The following PAM variants were observed in gnomAD, a reference collection of about 807,000 sequenced individuals.
The protein encoded by PAM is peptidylglycine alpha-amidating monooxygenase.
A neutral mutation model predicts 122.1 loss-of-function variants in PAM; 72 were observed. The ratio of observed to expected loss-of-function variants is 0.59; its 90% CI spans 0.49 to 0.72. PAM has a LOEUF of 0.72. PAM is among the 30% of genes least tolerant of loss of function. The pLI is 0.00. For synonymous variants in PAM, 389 were observed against 404.4 expected (o/e 0.96, Z 0.46); for missense variants, 1,106 against 1,183.7 (o/e 0.93, Z 0.96).
At chr5:102,798,103 T>G (rs1371494397) in intron 1 of PAM, among the ~76,000 whole-genome samples, 3 of 152,182 alleles carry the variant, frequency 2.0e-5, no homozygotes, top group African/African-American at 7.2e-5. Flanking sequence ...AAGTTAAGTA[T>G]TGGCACAAGT....
intron 25 of PAM, 36 bp downstream of exon 25, chr5:103,028,274 G>A: frequency 7.0e-7 from 1 of 1,433,380 alleles, no homozygotes; most frequent in Admixed American, 1.8e-5. Flanking sequence ...TTCATGTTTG[G>A]TTCAAAGTCA....
intron 4 of PAM, among the ~76,000 whole-genome samples, chr5:102,910,384 C>T (rs1457443830): frequency 6.6e-6 from 1 of 151,918 alleles, no homozygotes; most frequent in Non-Finnish European, 1.5e-5. Context: ...GAGAAACCCT[C>T]CAACCTCTGT....
chr5:102,944,248 C>T (rs959440065), intron 7 of PAM, among the ~76,000 whole-genome samples: 8 of 151,996 alleles, frequency 5.3e-5, no homozygotes, highest in Admixed American at 1.3e-4. Flanking sequence ...AACCCTTACA[C>T]TAAAATTATT....
chr5:102,955,066 A>G lies in PAM; in HGVS notation c.905+4246A>G, dbSNP rs896321414. 9.9e-5 allele frequency among the ~76,000 whole-genome samples: 15 copies of G among 152,196 alleles called. No homozygotes were observed. In the East Asian group the frequency reaches 2.9e-3, roughly 29 times the overall value. On this transcript the variant is annotated intron_variant, in intron 12 of 25. Transcript: ENST00000438793. ...GTAAAATGACTTCTTTGAAGTTTTT[A>G]TATTTCTTTCTAAAATTACTATTAC...
rs144689546 is a variant in PAM at position 102,813,048 on chromosome 5, A to G, written c.-373-52775A>G. Among the ~76,000 whole-genome samples, 275 of 152,024 alleles carry G rather than the reference A, an allele frequency of 1.8e-3. 1 individual carries two copies. Among genetic ancestry groups the G allele is most frequent in the African/African-American group, 6.3e-3 (261 of 41,522 alleles). On this transcript the variant is annotated intron_variant, in intron 1 of 25. Coordinates refer to ENST00000438793, the MANE Select transcript of PAM (RefSeq NM_001177306.2). ...TTTATCCTACTACAGTAAATTAGAG[A>G]AGAGATGAAATCTATTTTGCTTATT...
intron 12 of PAM, among the ~76,000 whole-genome samples, chr5:102,955,867 GT>G (rs1760559634): frequency 6.6e-6 from 1 of 151,806 alleles, no homozygotes; most frequent in Non-Finnish European, 1.5e-5. Context: ...AAAGCAATTT[GT>G]TTTAAAATGA....
At chr5:103,026,892 T>TA (rs1241468773) in intron 24 of PAM, among the ~76,000 whole-genome samples, 6 of 152,262 alleles carry the variant, frequency 3.9e-5, no homozygotes, top group Non-Finnish European at 7.4e-5. Context: ...AAGCAGTGGC[T>TA]AGGGAATAAG....
intron 1 of PAM, among the ~76,000 whole-genome samples, chr5:102,773,180 A>G (rs548661186): frequency 6.6e-6 from 1 of 152,272 alleles, no homozygotes; most frequent in South Asian, 2.1e-4. Context: ...GTTTTTACAT[A>G]CAAATTCCTA....
At chr5:102,817,117 C>G (rs1770119401) in intron 1 of PAM, among the ~76,000 whole-genome samples, 1 of 152,034 alleles carries the variant, frequency 6.6e-6, no homozygotes, top group Non-Finnish European at 1.5e-5. Context: ...TTTTCTTCCT[C>G]TTTTTCCCTC....
At chr5:103,023,416 C>T (rs1296169121) in intron 23 of PAM, among the ~76,000 whole-genome samples, 1 of 151,688 alleles carries the variant, frequency 6.6e-6, no homozygotes, top group East Asian at 1.9e-4. Flanking sequence ...GTGTTTTTTA[C>T]TCCCATGATC....
At chr5:102,840,718 C>T (rs1184499092) in intron 1 of PAM, among the ~76,000 whole-genome samples, 1 of 152,160 alleles carries the variant, frequency 6.6e-6, no homozygotes, top group Non-Finnish European at 1.5e-5. Context: ...AGCCCCCATT[C>T]TCATGGTCCA....
chr5:102,935,539 C>A (rs1008873569), intron 7 of PAM, among the ~76,000 whole-genome samples: 1 of 152,052 alleles, frequency 6.6e-6, no homozygotes. Flanking sequence ...TACTGCAGGG[C>A]AGATATCTAG....
chr5:102,784,326 A>G lies in PAM; in HGVS notation c.-374+28978A>G, dbSNP rs1759911570. On this transcript the variant is annotated intron_variant, in intron 1 of 25. Transcript: ENST00000438793. The stretch of plus-strand genomic sequence containing the variant: ...CTCCTGCCTATGTGCTATTGGGTCA[A>G]GCTGTTTTGGTGGGCTAGAATGCGC... Among the ~76,000 whole-genome samples the G allele has an allele frequency of 2.0e-5, 3 of 152,122 alleles. No individual in the cohort carries two copies. The South Asian group carries it at 6.2e-4, about 31-fold the overall frequency.
chr5:102,950,346 G>A (rs567434249), intron 11 of PAM, among the ~76,000 whole-genome samples: 2 of 151,782 alleles, frequency 1.3e-5, no homozygotes, highest in South Asian at 2.1e-4. Flanking sequence ...ATTAATTAAA[G>A]GTGAACTGTT....
chr5:102,828,806 A>G (rs1774447909), intron 1 of PAM, among the ~76,000 whole-genome samples: 2 of 152,204 alleles, frequency 1.3e-5, no homozygotes. Flanking sequence ...TATTTTACAA[A>G]ACAAATGAAA....
At chr5:102,769,549 CTA>C (rs765204078) in intron 1 of PAM, among the ~76,000 whole-genome samples, 6 of 152,036 alleles carry the variant, frequency 3.9e-5, no homozygotes, top group Non-Finnish European at 8.8e-5. Context: ...AGATACGGGT[CTA>C]GTTTCATTCT....
Position 103,029,327 on chromosome 5 carries a change from A to G in PAM, c.*262A>G, listed in dbSNP as rs1785886625. ...TCTTTTTCCATCATAATTCTAATCT[A>G]ACAATGGAAGATTTGCCCATTTACA... On this transcript the variant is annotated 3_prime_UTR_variant, in exon 26 of 26. Coordinates refer to ENST00000438793, the MANE Select transcript of PAM (RefSeq NM_001177306.2). 1 of 315,124 alleles carries G rather than the reference A, an allele frequency of 3.2e-6. No homozygotes were observed. Among genetic ancestry groups the G allele is most frequent in the East Asian group, 5.1e-5 (1 of 19,724 alleles). 19.5% of individuals were successfully genotyped at this position (315,124 alleles called of 1,614,324 possible).
At chr5:102,899,962 G>T (rs1326411347) in intron 3 of PAM, among the ~76,000 whole-genome samples, 5 of 151,506 alleles carry the variant, frequency 3.3e-5, no homozygotes, top group Non-Finnish European at 7.4e-5. Context: ...TTAGAACAAG[G>T]TGCCCACTGG....
chr5:102,959,217 G>C (rs1761761058), intron 12 of PAM, among the ~76,000 whole-genome samples: 1 of 152,028 alleles, frequency 6.6e-6, no homozygotes, highest in South Asian at 2.1e-4. Context: ...AAAAAGATTA[G>C]TGCTGATTTC....
Sources: allele counts gnomAD v4.1 joint callset (sites outside exome capture counted in the v4.1 genomes callset), GRCh38; gene constraint gnomAD v4.1.1; transcripts MANE v1.5; gene names NCBI Gene and HGNC (gene_info 2026-07-23, HGNC 2026-07-21).